Variants in RANBP2 observed in about 807,000 individuals in gnomAD.
RANBP2 encodes E3 SUMO-protein ligase RanBP2.
RANBP2 carries 57 observed loss-of-function variants against 303.6 expected under a neutral mutation model. The observed-to-expected ratio is 0.19, with a 90% CI of 0.15 to 0.23. RANBP2 has a LOEUF of 0.23. Among genes scored for constraint, RANBP2 ranks in the 10% least tolerant of loss-of-function variants. The pLI, the probability that RANBP2 is intolerant of heterozygous loss-of-function variation, is 1.00. For synonymous variants in RANBP2, 1,167 were observed against 1,301.5 expected (o/e 0.90, Z 2.23); for missense variants, 3,138 against 3,780.8 (o/e 0.83, Z 4.46).
chr2:109,100,761 G>A, the RANBP2 span, among the ~76,000 whole-genome samples: 1 of 152,120 alleles, frequency 6.6e-6, no homozygotes. Flanking sequence ...GTAAGAAAAA[G>A]GGAGACAATA....
the RANBP2 span, chr2:109,553,214 T>C: frequency 5.6e-6 from 9 of 1,613,476 alleles, no homozygotes; most frequent in African/African-American, 5.3e-5. Flanking sequence ...ATAGGTCTCT[T>C]GAACACTAAA....
At chr2:108,894,132 A>ATAAT in the RANBP2 span, among the ~76,000 whole-genome samples, 20 of 152,282 alleles carry the variant, frequency 1.3e-4, no homozygotes, top group Non-Finnish European at 2.4e-4. Context: ...CCGAGCTATG[A>ATAAT]TAATAAATGA....
chr2:109,589,741 A>C, the RANBP2 span, among the ~76,000 whole-genome samples: 9,780 of 151,854 alleles, frequency 0.064, 750 homozygotes, highest in East Asian at 0.24. Context: ...ATAGCCAAAA[A>C]AAACCCGCTT....
At chr2:109,644,707 C>G in the RANBP2 span, among the ~76,000 whole-genome samples, 2 of 152,170 alleles carry the variant, frequency 1.3e-5, no homozygotes, top group Non-Finnish European at 2.9e-5. Flanking sequence ...CACAGCAAGG[C>G]TGCCTGGATG....
chr2:109,191,424 G>A, the RANBP2 span, among the ~76,000 whole-genome samples: 1 of 152,336 alleles, frequency 6.6e-6, no homozygotes, highest in South Asian at 2.1e-4. Context: ...TTAGAAGAAA[G>A]TGGGGTGAGT....
chr2:108,972,343 T>C, the RANBP2 span, among the ~76,000 whole-genome samples: 1,510 of 152,356 alleles, frequency 9.9e-3, 33 homozygotes, highest in African/African-American at 0.035. Flanking sequence ...CAGACAATGA[T>C]GACCAAATCA....
At chr2:108,719,851 T>TG (rs1254469751) in intron 1 of RANBP2, among the ~76,000 whole-genome samples, 173 bp downstream of exon 1, 1 of 152,074 alleles carries the variant, frequency 6.6e-6, no homozygotes, top group Admixed American at 6.5e-5. Flanking sequence ...TGAAGAGTCC[T>TG]GGGGGGACAG....
chr2:109,164,468 G>A, the RANBP2 span, among the ~76,000 whole-genome samples: 4 of 152,324 alleles, frequency 2.6e-5, no homozygotes, highest in East Asian at 5.8e-4. Flanking sequence ...ACAGCTGTGA[G>A]CCACAGTATT....
At chr2:108,977,588 A>G in the RANBP2 span, among the ~76,000 whole-genome samples, 1 of 151,920 alleles carries the variant, frequency 6.6e-6, no homozygotes, top group Non-Finnish European at 1.5e-5. Context: ...GCCTTTTTTG[A>G]GTGTTCCTGA....
chr2:109,076,058 G>C, the RANBP2 span, among the ~76,000 whole-genome samples: 7 of 150,342 alleles, frequency 4.7e-5, 1 homozygote, highest in Non-Finnish European at 8.9e-5. Context: ...TTAGCAAAGC[G>C]AATTCATTAG....
At chr2:109,685,919 A>AC in the RANBP2 span, among the ~76,000 whole-genome samples, 7 of 151,456 alleles carry the variant, frequency 4.6e-5, no homozygotes, top group African/African-American at 1.7e-4. Context: ...TTTGGGTAAA[A>AC]CCCCCCCAAA....
chr2:108,773,193 A>T (rs371212251), intron 23 of RANBP2, 147 bp downstream of exon 23: 1 of 817,904 alleles, frequency 1.2e-6, no homozygotes, highest in Non-Finnish European at 2.0e-6. Flanking sequence ...TCGTGGCTCA[A>T]TGCAGCCTTC....
chr2:108,778,441 C>G (rs1408160282), intron 25 of RANBP2, among the ~76,000 whole-genome samples: 1 of 152,184 alleles, frequency 6.6e-6, no homozygotes, highest in Non-Finnish European at 1.5e-5. Flanking sequence ...AATCTTTATA[C>G]TTTTGTAAAT....
the RANBP2 span, among the ~76,000 whole-genome samples, chr2:109,766,724 C>T: frequency 6.8e-6 from 1 of 147,664 alleles, no homozygotes; most frequent in African/African-American, 2.5e-5. Flanking sequence ...AAAAAAACCT[C>T]TCAATATGGA....
Position 108,767,438 on chromosome 2 carries a change from C to T in RANBP2, c.6899C>T (p.Thr2300Ile). 2 of 1,611,880 alleles carry T rather than the reference C, an allele frequency of 1.2e-6. No individual in the cohort carries two copies. The change falls in exon 20 of 29, where the codon ACT becomes ATT. Residue 2300 changes from threonine (T) to isoleucine (I), a missense_variant. Physicochemically the swap from Thr to Ile is moderately conservative, Grantham distance 89. Coordinates refer to ENST00000283195, the MANE Select transcript of RANBP2 (RefSeq NM_006267.5). Reference sequence around the variant, plus strand: ...GGCACTGATGAAGAATCTGATGTTACTCAAGAAGAAGAGAGAGATGGACAG... The same window carrying T: ...GGCACTGATGAAGAATCTGATGTTATTCAAGAAGAAGAGAGAGATGGACAG... ...SVGTDEESDV[T>I]QEEERDGQYF...
intron 19 of RANBP2, among the ~76,000 whole-genome samples, chr2:108,762,701 A>G (rs1450510718): frequency 1.4e-5 from 2 of 147,196 alleles, no homozygotes; most frequent in African/African-American, 5.1e-5. Flanking sequence ...TAATACCTTA[A>G]TTCATAGGGT....
the RANBP2 span, among the ~76,000 whole-genome samples, chr2:108,991,724 T>G: frequency 6.6e-6 from 1 of 152,282 alleles, no homozygotes; most frequent in African/African-American, 2.4e-5. Flanking sequence ...CACTCAGGGG[T>G]TGGTAAGAAT....
At chr2:109,615,322 G>A in the RANBP2 span, 2 of 1,610,242 alleles carry the variant, frequency 1.2e-6, no homozygotes, top group Non-Finnish European at 1.7e-6. Context: ...GCCTCCGATG[G>A]CAAGTGGGAC....
chr2:109,614,981 A>G, the RANBP2 span: 1 of 1,539,736 alleles, frequency 6.5e-7, no homozygotes, highest in Non-Finnish European at 8.7e-7. Context: ...TGCAGCCCCT[A>G]CCGCGGACTC....
Sources: gnomAD v4.1 joint callset for allele counts (sites outside exome capture counted in the v4.1 genomes callset) on GRCh38, gnomAD v4.1.1 for gene constraint, MANE v1.5 for transcripts, NCBI Gene and HGNC (gene_info 2026-07-23, HGNC 2026-07-21) for gene names.